Variants in FASTKD1 observed in about 807,000 individuals in gnomAD.
The protein encoded by FASTKD1 is FAST kinase domains 1, also known as FAST kinase domain-containing protein 1, mitochondrial.
FASTKD1 carries 94 observed loss-of-function variants against 90.9 expected under a neutral mutation model. The ratio of observed to expected loss-of-function variants is 1.03; its 90% CI spans 0.88 to 1.23. The LOEUF (loss-of-function observed/expected upper bound fraction) is 1.23. FASTKD1 is among the 50% of genes most tolerant of loss of function. FASTKD1 has a pLI of 0.00. For missense variants in FASTKD1, 945 were observed against 993.5 expected (o/e 0.95, Z 0.66); for synonymous variants, 319 against 345.8 (o/e 0.92, Z 0.86).
At chr2:169,547,704 G>A (rs958007709) in intron 7 of FASTKD1, among the ~76,000 whole-genome samples, 4 of 151,378 alleles carry the variant, frequency 2.6e-5, no homozygotes, top group Admixed American at 6.6e-5. Flanking sequence ...ATGGTGAAAC[G>A]CTGTCTCTAC....
At chr2:169,539,046 T>A (rs1266760608) in intron 10 of FASTKD1, among the ~76,000 whole-genome samples, 1 of 151,712 alleles carries the variant, frequency 6.6e-6, no homozygotes, top group Non-Finnish European at 1.5e-5. Flanking sequence ...GGTGGGCAGA[T>A]CACTTGAGGT....
intron 12 of FASTKD1, among the ~76,000 whole-genome samples, chr2:169,532,628 T>C (rs1452148690): frequency 1.3e-5 from 2 of 151,810 alleles, no homozygotes; most frequent in East Asian, 3.9e-4. Flanking sequence ...ACATTTTAAA[T>C]GTTATCACAG....
At chr2:169,563,735 T>C (rs934465138) in intron 3 of FASTKD1, among the ~76,000 whole-genome samples, 10 of 152,164 alleles carry the variant, frequency 6.6e-5, no homozygotes, top group African/African-American at 2.2e-4. Flanking sequence ...GGAACTGTTA[T>C]AGATTTTATG....
At chr2:169,563,009 C>G (rs1490024873) in intron 4 of FASTKD1, among the ~76,000 whole-genome samples, 1 of 152,156 alleles carries the variant, frequency 6.6e-6, no homozygotes, top group Non-Finnish European at 1.5e-5. Context: ...CAGACCTCAA[C>G]AATATTGTAT....
Position 169,555,154 on chromosome 2 carries a change from A to C in FASTKD1, c.1184T>G (p.Phe395Cys). 6.2e-7 allele frequency: 1 copy of C among 1,612,218 alleles called. No individual in the cohort carries two copies. The highest frequency in any genetic ancestry group is 1.3e-5 in the African/African-American group (1 of 74,938). The part of the protein sequence containing the change: ...LTFLHFQRKE[F>C]FAKLRELLLS... ...CAGTAATTCTCTAAGTTTCGCAAAAAACTCCTTCCTTTGGAAATGCAGAAA... is the reference window on the plus strand; with the variant it reads ...CAGTAATTCTCTAAGTTTCGCAAAACACTCCTTCCTTTGGAAATGCAGAAA... The change falls in exon 7 of 15, where the codon TTT (phenylalanine) becomes TGT (cysteine). Residue 395 changes from phenylalanine (F) to cysteine (C), a missense_variant. Physicochemically the swap from Phe to Cys is radical, Grantham distance 205. Transcript: ENST00000453153.
chr2:169,530,924 G>T, intron 13 of FASTKD1: 1 of 685,966 alleles, frequency 1.5e-6, no homozygotes, highest in Admixed American at 1.9e-5. Context: ...CCATTTTTTT[G>T]GTCCAATATA....
At position 169,540,060 on chromosome 2, in the gene FASTKD1, G is replaced by A. The variant is rs1309392660; in HGVS notation, c.1936C>T (p.Gln646Ter). ...AAAGATAGATACATACTTTCAAGTT[G>A]AGAATCCAATCTAGCTAAGAATTTG... ...NIKFLARLDS[Q>*]LEILSPSRSA... Residue 646 changes from glutamine (Q) to a stop codon, truncating the protein, a stop_gained, in exon 10 of 15, where the codon CAA (glutamine) becomes TAA (stop). Transcript: ENST00000453153. LOFTEE classifies it high-confidence loss of function. The A allele has an allele frequency of 1.9e-6, 3 of 1,578,718 alleles. No homozygotes were observed. In the South Asian group the frequency reaches 3.5e-5, roughly 18 times the overall value.
In FASTKD1 at chr2:169,530,586, C is replaced by T. The variant is rs1574359796; in HGVS notation, c.2442+1G>A. ...GGCTGAATTACATGAGTATTTCATA[C>T]CTGAATTACACGATACCCCAGAATT... On this transcript the variant is annotated splice_donor_variant, in intron 14 of 14. Transcript: ENST00000453153. LOFTEE classifies it high-confidence loss of function. The T allele has an allele frequency of 6.4e-7, 1 of 1,567,980 alleles. No individual in the cohort carries two copies. Among genetic ancestry groups the T allele is most frequent in the Non-Finnish European group, 8.7e-7 (1 of 1,146,934 alleles).
chr2:169,556,108 A>G (rs1574397090), intron 6 of FASTKD1, among the ~76,000 whole-genome samples: 2 of 152,264 alleles, frequency 1.3e-5, no homozygotes, highest in East Asian at 3.9e-4. Flanking sequence ...CAAGGTTATG[A>G]TGCTCTGCTT....
At chr2:169,559,273 A>G (rs1415561609) in intron 5 of FASTKD1, among the ~76,000 whole-genome samples, 1 of 151,684 alleles carries the variant, frequency 6.6e-6, no homozygotes, top group East Asian at 2.0e-4. Context: ...GCACCCAGCC[A>G]CAAAGTACTC....
intron 1 of FASTKD1, 114 bp from the exon 2 acceptor site, chr2:169,572,285 G>A (rs909162423): frequency 3.8e-6 from 1 of 262,186 alleles, no homozygotes; most frequent in Non-Finnish European, 7.1e-6. Context: ...CTTTTTCTTA[G>A]TCTAAACCAG....
intron 12 of FASTKD1, among the ~76,000 whole-genome samples, chr2:169,532,161 T>C (rs1684518081): frequency 6.6e-6 from 1 of 152,082 alleles, no homozygotes; most frequent in African/African-American, 2.4e-5. Flanking sequence ...GGCTCACACC[T>C]GTAATCCCAG....
At chr2:169,566,932 T>C (rs1684018056) in intron 3 of FASTKD1, among the ~76,000 whole-genome samples, 1 of 152,074 alleles carries the variant, frequency 6.6e-6, no homozygotes, top group Non-Finnish European at 1.5e-5. Context: ...CTGGCCAATA[T>C]GGTGAAACCC....
intron 4 of FASTKD1, among the ~76,000 whole-genome samples, chr2:169,561,023 G>T (rs1428862437): frequency 6.6e-6 from 1 of 150,714 alleles, no homozygotes; most frequent in Non-Finnish European, 1.5e-5. Flanking sequence ...AAGGGGCTGG[G>T]CATGGTGGCT....
At position 169,555,254 on chromosome 2, in the gene FASTKD1, C is replaced by A. The variant is rs759146723; in HGVS notation, c.1084G>T (p.Val362Phe). The A allele has an allele frequency of 6.2e-7, 1 of 1,605,374 alleles. No individual in the cohort carries two copies. The highest frequency in any genetic ancestry group is 8.5e-7 in the Non-Finnish European group (1 of 1,176,086). ...AAATGTTTATGCAGAACTGAAGTAA[C>A]TCTAAAAAGGATAGAGCATATATTA... ...ESRNSCLIKRVTSVLHKHLDG... is the reference protein window; with the variant it reads ...ESRNSCLIKRFTSVLHKHLDG... Residue 362 changes from valine (V) to phenylalanine (F), a missense_variant and splice_region_variant, in exon 7 of 15, where the codon GTT (valine) becomes TTT (phenylalanine). Coordinates refer to ENST00000453153, the MANE Select transcript of FASTKD1 (RefSeq NM_024622.6).
intron 6 of FASTKD1, among the ~76,000 whole-genome samples, chr2:169,556,139 A>G (rs1683294930): frequency 1.3e-5 from 2 of 152,146 alleles, no homozygotes; most frequent in Non-Finnish European, 2.9e-5. Flanking sequence ...GCACAAATAA[A>G]ATGAAAAAGC....
intron 6 of FASTKD1, among the ~76,000 whole-genome samples, chr2:169,556,358 C>G (rs574154253): frequency 1.3e-5 from 2 of 150,932 alleles, no homozygotes; most frequent in Admixed American, 6.6e-5. Context: ...ATCAATTGAG[C>G]CTGGGAGGTG....
In FASTKD1 at chr2:169,567,941, TCTG is replaced by T. The variant is rs141696004; in HGVS notation, c.446+1240_446+1242del. On this transcript the variant is annotated intron_variant, in intron 3 of 14. Coordinates refer to ENST00000453153, the MANE Select transcript of FASTKD1 (RefSeq NM_024622.6). ...ATAGATGAAGATTTCCCAAAATGAG[TCTG>T]CTATTATCTCAGCCCTTTTATAAAT... Among the ~76,000 whole-genome samples, 1,133 of 152,240 alleles carry T rather than the reference TCTG, an allele frequency of 7.4e-3. 12 individuals carry two copies. Among genetic ancestry groups the T allele is most frequent in the African/African-American group, 0.026 (1,061 of 41,544 alleles).
At chr2:169,543,391 A>G (rs1685046845) in intron 9 of FASTKD1, among the ~76,000 whole-genome samples, 1 of 152,154 alleles carries the variant, frequency 6.6e-6, no homozygotes, top group African/African-American at 2.4e-5. Context: ...TGAACCTGGG[A>G]GGCGGAGGTT....
Sources: gnomAD v4.1 joint callset for allele counts (sites outside exome capture counted in the v4.1 genomes callset) on GRCh38, gnomAD v4.1.1 for gene constraint, MANE v1.5 for transcripts, NCBI Gene and HGNC (gene_info 2026-07-23, HGNC 2026-07-21) for gene names.